The following XKR4 variants were observed in gnomAD, a reference collection of about 807,000 sequenced individuals.
XKR4 encodes the protein XK related 4, also known as XK-related protein 4.
XKR4 carries 12 observed loss-of-function variants against 53.9 expected under a neutral mutation model. That is an observed-to-expected ratio of 0.22 (90% CI 0.14 to 0.36). The LOEUF (loss-of-function observed/expected upper bound fraction) is 0.36. XKR4 is among the 10% of genes least tolerant of loss of function. The pLI, the probability that XKR4 is intolerant of heterozygous loss-of-function variation, is 1.00. For synonymous variants in XKR4, 354 were observed against 362.4 expected, an observed-to-expected ratio of 0.98 and a Z score of 0.26; for missense variants, 799 against 859.5, an observed-to-expected ratio of 0.93 and a Z score of 0.88.
chr8:55,358,889 T>C (rs945742468), intron 2 of XKR4, among the ~76,000 whole-genome samples: 5 of 152,222 alleles, frequency 3.3e-5, no homozygotes, highest in Admixed American at 1.3e-4. Context: ...TAACTTTTTA[T>C]GGCATGGAGC....
At chr8:55,434,369 T>A (rs1805144713) in intron 2 of XKR4, among the ~76,000 whole-genome samples, 1 of 152,024 alleles carries the variant, frequency 6.6e-6, no homozygotes, top group Non-Finnish European at 1.5e-5. Flanking sequence ...TTAATATGAG[T>A]TTGAAAACCT....
At chr8:55,310,705 A>T (rs1197986708) in intron 1 of XKR4, among the ~76,000 whole-genome samples, 1 of 152,202 alleles carries the variant, frequency 6.6e-6, no homozygotes, top group African/African-American at 2.4e-5. Flanking sequence ...GTGTAAAAAG[A>T]CGCTTGAATT....
At chr8:55,510,913 C>T (rs911738614) in intron 2 of XKR4, among the ~76,000 whole-genome samples, 2 of 152,166 alleles carry the variant, frequency 1.3e-5, no homozygotes, top group East Asian at 1.9e-4. Flanking sequence ...CTTCTGAGCC[C>T]TTGGGGTCCT....
chr8:55,207,703 C>T (rs1817669910), intron 1 of XKR4, among the ~76,000 whole-genome samples: 1 of 111,070 alleles, frequency 9.0e-6, no homozygotes, highest in Admixed American at 9.7e-5. Context: ...AATGGGACAC[C>T]AATCCTTGTT....
chr8:55,523,141 CAA>C (rs35183687), intron 2 of XKR4, 138 bp from the exon 3 acceptor site: 32,771 of 570,196 alleles, frequency 0.057, 1 homozygote, highest in South Asian at 0.097. Context: ...GACTCTGTCT[CAA>C]AAAAAAAAAA....
intron 2 of XKR4, chr8:55,452,469 T>G: frequency 3.2e-6 from 2 of 630,930 alleles, no homozygotes; most frequent in Admixed American, 4.6e-5. Flanking sequence ...CTCACGCCCA[T>G]CCGGTGGCAG....
At chr8:55,277,231 C>T (rs1313610381) in intron 1 of XKR4, among the ~76,000 whole-genome samples, 1 of 152,142 alleles carries the variant, frequency 6.6e-6, no homozygotes, top group Non-Finnish European at 1.5e-5. Context: ...ATATGTTCAC[C>T]ATCCATCATT....
At chr8:55,197,086 A>C (rs1036789597) in intron 1 of XKR4, among the ~76,000 whole-genome samples, 1 of 152,202 alleles carries the variant, frequency 6.6e-6, no homozygotes, top group Non-Finnish European at 1.5e-5. Context: ...TATGGATGTC[A>C]GGAGGGAGAA....
chr8:55,523,301 C>T lies in XKR4; in HGVS notation c.1027C>T (p.Leu343Phe), dbSNP rs1287036415. Reference protein sequence around the residue: ...ALQGFTAAASLVSLAWALASY... With the variant: ...ALQGFTAAASFVSLAWALASY... ...TGTAGGTTTCACAGCGGCAGCTTCCCTCGTGTCCCTGGCCTGGGCCTTGGC... is the reference window on the plus strand; with the variant it reads ...TGTAGGTTTCACAGCGGCAGCTTCCTTCGTGTCCCTGGCCTGGGCCTTGGC... The change falls in exon 3 of 3, where the codon CTC becomes TTC. Residue 343 changes from leucine (L) to phenylalanine (F), a missense_variant. Around this residue, in one of 3 missense-constraint regions of XKR4, gnomAD observed 476 missense variants for 505.4 expected, o/e 0.94. Transcript: ENST00000327381. The T allele has an allele frequency of 6.2e-7, 1 of 1,607,190 alleles. No homozygotes were observed. The highest frequency in any genetic ancestry group is 8.5e-7 in the Non-Finnish European group (1 of 1,176,374).
intron 1 of XKR4, among the ~76,000 whole-genome samples, chr8:55,264,278 C>T (rs1013811587): frequency 5.9e-5 from 9 of 152,164 alleles, no homozygotes; most frequent in African/African-American, 1.9e-4. Flanking sequence ...TCTCCTTTGC[C>T]TTTATCAGTA....
At chr8:55,424,146 C>T (rs1263738029) in intron 2 of XKR4, among the ~76,000 whole-genome samples, 1 of 152,152 alleles carries the variant, frequency 6.6e-6, no homozygotes, top group Non-Finnish European at 1.5e-5. Context: ...GGGGCATTGC[C>T]CTGTACCCCA....
At position 55,501,463 on chromosome 8, in the gene XKR4, C is replaced by T. The variant is rs546269042; in HGVS notation, c.1007-21818C>T. 9.3e-5 allele frequency among the ~76,000 whole-genome samples: 13 copies of T among 139,788 alleles called. No individual in the cohort carries two copies. In the South Asian group the frequency reaches 2.8e-3, roughly 30 times the overall value. The allele number at this position is 139,788 out of a possible 152,430, so 91.7% of individuals were successfully genotyped here. A position where few individuals can be genotyped will look rare whatever the true frequency, so the allele number is the denominator to read the frequency against. On this transcript the variant is annotated intron_variant, in intron 2 of 2. Transcript: ENST00000327381. The stretch of plus-strand genomic sequence containing the variant: ...ATCAAACACTAACTGTTAATTCTCC[C>T]CTCACCTCCAGCCCCTGGCAACCAC...
chr8:55,235,248 T>G (rs143505499), intron 1 of XKR4, among the ~76,000 whole-genome samples: 37 of 152,298 alleles, frequency 2.4e-4, no homozygotes, highest in African/African-American at 8.9e-4. Context: ...GCCATTGGAT[T>G]TAGGGCCCAC....
intron 1 of XKR4, among the ~76,000 whole-genome samples, chr8:55,318,521 C>T (rs1289374940): frequency 6.6e-6 from 1 of 152,152 alleles, no homozygotes; most frequent in Non-Finnish European, 1.5e-5. Context: ...GTATATCTCT[C>T]CATGGCATAG....
intron 2 of XKR4, among the ~76,000 whole-genome samples, chr8:55,479,705 G>T (rs922380926): frequency 3.3e-5 from 5 of 152,038 alleles, no homozygotes; most frequent in Non-Finnish European, 7.4e-5. Flanking sequence ...CAATAAAAAT[G>T]ATAAAGGGGA....
At chr8:55,389,516 G>C (rs575302944) in intron 2 of XKR4, among the ~76,000 whole-genome samples, 2 of 152,278 alleles carry the variant, frequency 1.3e-5, no homozygotes, top group East Asian at 3.9e-4. Flanking sequence ...ATCAGAAAAT[G>C]ATTGGAAGAA....
At chr8:55,301,532 A>G (rs916139431) in intron 1 of XKR4, among the ~76,000 whole-genome samples, 4 of 152,074 alleles carry the variant, frequency 2.6e-5, no homozygotes, top group African/African-American at 9.7e-5. Context: ...GGCTGGGTCA[A>G]ATGGTATTTC....
chr8:55,489,635 A>C (rs898750387), intron 2 of XKR4, among the ~76,000 whole-genome samples: 5 of 152,100 alleles, frequency 3.3e-5, no homozygotes, highest in Non-Finnish European at 7.4e-5. Context: ...CAAATATTTT[A>C]TACTAGATCT....
intron 1 of XKR4, among the ~76,000 whole-genome samples, chr8:55,169,486 T>A (rs1179939273): frequency 6.6e-6 from 1 of 152,224 alleles, no homozygotes; most frequent in East Asian, 1.9e-4. Flanking sequence ...CCAGGTCCTG[T>A]GTGTTTTTAC....
Sources: allele counts gnomAD v4.1 joint callset (sites outside exome capture counted in the v4.1 genomes callset), GRCh38; gene constraint gnomAD v4.1.1; regional missense constraint gnomAD v4.1.1; transcripts MANE v1.5; gene names NCBI Gene and HGNC (gene_info 2026-07-23, HGNC 2026-07-21).